RPS6KA5: variants seen among roughly 807,000 people sequenced by gnomAD.
RPS6KA5 encodes the protein ribosomal protein S6 kinase A5.
A neutral mutation model predicts 85.5 loss-of-function variants in RPS6KA5; 27 were observed. The ratio of observed to expected loss-of-function variants is 0.32; its 90% CI spans 0.23 to 0.44. RPS6KA5 has a LOEUF of 0.44. Ranked by LOEUF, RPS6KA5 falls within the 20% of genes least tolerant of loss-of-function variation. The pLI is 1.00. For missense variants in RPS6KA5, 811 were observed against 980.9 expected (o/e 0.83, Z 2.31); for synonymous variants, 334 against 348.2 (o/e 0.96, Z 0.46).
At chr14:90,950,533 T>C (rs1206128992) in intron 3 of RPS6KA5, among the ~76,000 whole-genome samples, 1 of 152,250 alleles carries the variant, frequency 6.6e-6, no homozygotes, top group African/African-American at 2.4e-5. Flanking sequence ...GGTTTTTCCA[T>C]AGATGCCTTT....
At position 90,899,402 on chromosome 14, in the gene RPS6KA5, T is replaced by C; in HGVS notation, c.1400A>G (p.Lys467Arg). The C allele has an allele frequency of 1.2e-6, 2 of 1,613,272 alleles. No homozygotes were observed. The change falls in exon 12 of 17, where the codon AAG becomes AGG. Residue 467 changes from lysine to arginine, a missense_variant. Physicochemically the swap from Lys to Arg is conservative, Grantham distance 26 (BLOSUM62 2). This residue lies in a region of RPS6KA5 where 650 missense variants were observed against 793.4 expected (regional missense o/e 0.82). Coordinates refer to ENST00000614987, the MANE Select transcript of RPS6KA5 (RefSeq NM_004755.4). ...ACAGAGTTTCAGAGCTGTTATTTCC[T>C]TTTGAGTATTGGCTTCCATCCTGCA... ...ISKRMEANTQ[K>R]EITALKLCEG...
intron 1 of RPS6KA5, among the ~76,000 whole-genome samples, chr14:91,013,054 C>A (rs866940920): frequency 7.2e-5 from 11 of 152,164 alleles, no homozygotes; most frequent in African/African-American, 2.4e-4. Flanking sequence ...CACAGGACTC[C>A]CTATCCTTAA....
intron 2 of RPS6KA5, among the ~76,000 whole-genome samples, chr14:90,986,212 T>C (rs1302079656): frequency 6.6e-6 from 1 of 152,208 alleles, no homozygotes; most frequent in Non-Finnish European, 1.5e-5. Context: ...GTTCAAAAAA[T>C]ATATAATGAT....
At chr14:90,892,162 C>A (rs886628244) in intron 13 of RPS6KA5, among the ~76,000 whole-genome samples, 112 of 152,014 alleles carry the variant, frequency 7.4e-4, no homozygotes, top group African/African-American at 2.6e-3. Context: ...CCATGCCTGG[C>A]TAACTTTTTT....
At chr14:90,947,209 C>A (rs1299212996) in intron 4 of RPS6KA5, among the ~76,000 whole-genome samples, 1 of 152,106 alleles carries the variant, frequency 6.6e-6, no homozygotes, top group African/African-American at 2.4e-5. Flanking sequence ...AGGATAAAAG[C>A]CAAAACCTGC....
chr14:91,060,301 G>T, intron 1 of RPS6KA5, 31 bp downstream of exon 1: 1 of 1,214,452 alleles, frequency 8.2e-7, no homozygotes, highest in Non-Finnish European at 1.0e-6. Flanking sequence ...CCCCGCGCCG[G>T]GCCCGGCCGG....
intron 7 of RPS6KA5, among the ~76,000 whole-genome samples, chr14:90,907,920 A>T (rs1360284594): frequency 6.6e-6 from 1 of 152,216 alleles, no homozygotes; most frequent in Non-Finnish European, 1.5e-5. Context: ...TTTTGCAGGA[A>T]AAAAGCTTTG....
intron 5 of RPS6KA5, among the ~76,000 whole-genome samples, chr14:90,927,771 CAT>C (rs1304691186): frequency 4.6e-5 from 7 of 151,894 alleles, no homozygotes; most frequent in African/African-American, 1.7e-4. Flanking sequence ...GGTATTTTAA[CAT>C]ATGTTTCTTA....
chr14:90,960,582 T>C (rs1021767851), intron 3 of RPS6KA5, among the ~76,000 whole-genome samples: 5 of 152,110 alleles, frequency 3.3e-5, no homozygotes, highest in African/African-American at 1.2e-4. Flanking sequence ...ATAAATTACA[T>C]TTCCTCATAT....
intron 5 of RPS6KA5, among the ~76,000 whole-genome samples, chr14:90,941,043 A>G (rs1207084849): frequency 1.3e-5 from 2 of 152,166 alleles, no homozygotes; most frequent in African/African-American, 4.8e-5. Flanking sequence ...ATATCAATGG[A>G]ATGAGCAAAT....
At chr14:90,974,201 T>C (rs567141550) in intron 3 of RPS6KA5, among the ~76,000 whole-genome samples, 1 of 152,264 alleles carries the variant, frequency 6.6e-6, no homozygotes, top group South Asian at 2.1e-4. Flanking sequence ...TCTCCTAACG[T>C]GATATAACAT....
At chr14:91,036,425 A>G (rs926664825) in intron 1 of RPS6KA5, among the ~76,000 whole-genome samples, 1 of 152,204 alleles carries the variant, frequency 6.6e-6, no homozygotes, top group Admixed American at 6.5e-5. Flanking sequence ...TATTTGTAAC[A>G]GGATGGATGG....
At chr14:90,913,099 C>G (rs1348138240) in intron 7 of RPS6KA5, among the ~76,000 whole-genome samples, 1 of 151,636 alleles carries the variant, frequency 6.6e-6, no homozygotes, top group Admixed American at 6.6e-5. Context: ...TTAGTAGAGA[C>G]GAGGTTTCAC....
intron 3 of RPS6KA5, among the ~76,000 whole-genome samples, chr14:90,960,580 C>T (rs1394817340): frequency 6.6e-6 from 1 of 152,148 alleles, no homozygotes; most frequent in Non-Finnish European, 1.5e-5. Flanking sequence ...GCATAAATTA[C>T]ATTTCCTCAT....
At chr14:90,956,164 T>C (rs904371470) in intron 3 of RPS6KA5, among the ~76,000 whole-genome samples, 1 of 152,190 alleles carries the variant, frequency 6.6e-6, no homozygotes, top group African/African-American at 2.4e-5. Flanking sequence ...CTTGAACATC[T>C]GAAGTTTTTT....
intron 1 of RPS6KA5, among the ~76,000 whole-genome samples, chr14:91,010,022 T>A (rs2041190328): frequency 6.6e-6 from 1 of 150,782 alleles, no homozygotes; most frequent in Admixed American, 6.6e-5. Flanking sequence ...TCTAATTTGG[T>A]TAGGTCAACA....
intron 2 of RPS6KA5, among the ~76,000 whole-genome samples, chr14:90,988,414 G>A (rs537827593): frequency 6.6e-6 from 1 of 152,126 alleles, no homozygotes; most frequent in Non-Finnish European, 1.5e-5. Context: ...TATGTGTCAG[G>A]CAATCAAAAC....
chr14:90,958,593 C>A (rs749817313), intron 3 of RPS6KA5, among the ~76,000 whole-genome samples: 5 of 152,128 alleles, frequency 3.3e-5, no homozygotes, highest in Non-Finnish European at 1.5e-5. Context: ...TTTAATCTCT[C>A]TGAATCTAAA....
At position 90,855,256 on chromosome 14, in the gene RPS6KA5, G is replaced by C. The variant is rs572459617; in HGVS notation, c.*16818C>G. Reference sequence around the variant, plus strand: ...GGCATTAATTTTCTGCTATTTTAAAGGTATTATGTTTGATGAAAAGACAAC... The same window carrying C: ...GGCATTAATTTTCTGCTATTTTAAACGTATTATGTTTGATGAAAAGACAAC... On this transcript the variant is annotated 3_prime_UTR_variant, in exon 17 of 17. Transcript: ENST00000614987. 1 of 152,096 alleles carries C rather than the reference G, an allele frequency of 6.6e-6. No homozygotes were observed. Among genetic ancestry groups the C allele is most frequent in the East Asian group, 1.9e-4 (1 of 5,196 alleles). 9.4% of individuals were successfully genotyped at this position (152,096 alleles called of 1,614,324 possible). A position where few individuals can be genotyped will look rare whatever the true frequency, so the allele number is the denominator to read the frequency against.
Sources: gnomAD v4.1 joint callset for allele counts (sites outside exome capture counted in the v4.1 genomes callset) on GRCh38, gnomAD v4.1.1 for gene constraint, gnomAD v4.1.1 regional missense constraint, MANE v1.5 for transcripts, NCBI Gene and HGNC (gene_info 2026-07-23, HGNC 2026-07-21) for gene names.